Variants in USP34 observed in about 807,000 individuals in gnomAD.
USP34 encodes ubiquitin specific peptidase 34, also known as ubiquitin carboxyl-terminal hydrolase 34.
Under a neutral mutation model 460.3 loss-of-function variants are expected in USP34, and 70 were observed. The observed-to-expected ratio is 0.15, with a 90% CI of 0.13 to 0.19. USP34 has a LOEUF of 0.19. Ranked by LOEUF, USP34 falls within the 10% of genes least tolerant of loss-of-function variation. The pLI is 1.00. For missense variants in USP34, 3,985 were observed against 4,236.2 expected (o/e 0.94, Z 1.65); for synonymous variants, 1,647 against 1,405.3 (o/e 1.17, Z -3.85).
At chr2:61,364,008 GAGA>G (rs1328166142) in intron 10 of USP34, among the ~76,000 whole-genome samples, 8 of 152,156 alleles carry the variant, frequency 5.3e-5, no homozygotes, top group Non-Finnish European at 1.0e-4. Context: ...AAGCCACACA[GAGA>G]AGGACAAATA....
At chr2:61,438,051 A>T (rs1046404320) in intron 1 of USP34, among the ~76,000 whole-genome samples, 1 of 152,042 alleles carries the variant, frequency 6.6e-6, no homozygotes, top group African/African-American at 2.4e-5. Flanking sequence ...AAAACAAACA[A>T]AAAAGAAAAC....
intron 3 of USP34, among the ~76,000 whole-genome samples, chr2:61,396,975 C>G (rs116741972): frequency 0.012 from 1,896 of 152,180 alleles, 15 homozygotes; most frequent in Non-Finnish European, 0.019. Context: ...AAGGTAGAAT[C>G]TTACATACAG....
chr2:61,209,921 G>A (rs935238438), intron 69 of USP34, among the ~76,000 whole-genome samples: 1 of 151,900 alleles, frequency 6.6e-6, no homozygotes, highest in African/African-American at 2.4e-5. Context: ...TTATGTCTTA[G>A]TTTTTAACGA....
At chr2:61,248,335 G>C (rs1688479339) in intron 49 of USP34, among the ~76,000 whole-genome samples, 176 bp downstream of exon 49, 1 of 152,094 alleles carries the variant, frequency 6.6e-6, no homozygotes, top group African/African-American at 2.4e-5. Flanking sequence ...CATAGTCCTA[G>C]TAGATACTAA....
chr2:61,385,909 T>C (rs1693129441), intron 5 of USP34, among the ~76,000 whole-genome samples: 1 of 146,202 alleles, frequency 6.8e-6, no homozygotes, highest in Non-Finnish European at 1.5e-5. Context: ...GACAGGAGAA[T>C]CACTTGAACC....
intron 41 of USP34, among the ~76,000 whole-genome samples, chr2:61,274,926 T>C (rs1201292673): frequency 6.6e-6 from 1 of 152,166 alleles, no homozygotes; most frequent in Non-Finnish European, 1.5e-5. Flanking sequence ...TCACTAGAAA[T>C]AGTTTAAGAC....
intron 15 of USP34, among the ~76,000 whole-genome samples, chr2:61,344,470 A>T (rs1691701942): frequency 3.3e-5 from 5 of 152,210 alleles, no homozygotes; most frequent in African/African-American, 1.2e-4. Context: ...ACAAACCCAA[A>T]TTAAGTATTC....
chr2:61,357,585 T>C (rs1692145081), intron 10 of USP34, among the ~76,000 whole-genome samples: 1 of 151,840 alleles, frequency 6.6e-6, no homozygotes, highest in Admixed American at 6.6e-5. Flanking sequence ...TAGAGATAAA[T>C]AAAATAAAGA....
At chr2:61,227,733 AAAC>A (rs1687770838) in intron 61 of USP34, among the ~76,000 whole-genome samples, 1 of 109,190 alleles carries the variant, frequency 9.2e-6, no homozygotes, top group Non-Finnish European at 1.8e-5. Flanking sequence ...ACAAACAAAC[AAAC>A]AAAAAAAAAA....
chr2:61,300,092 G>A (rs999267833), intron 29 of USP34, among the ~76,000 whole-genome samples: 4 of 152,098 alleles, frequency 2.6e-5, no homozygotes, highest in South Asian at 4.1e-4. Flanking sequence ...TCCTGGACTC[G>A]TATATCAAAT....
intron 10 of USP34, among the ~76,000 whole-genome samples, chr2:61,366,042 C>T (rs1379672641): frequency 6.6e-6 from 1 of 152,186 alleles, no homozygotes; most frequent in Non-Finnish European, 1.5e-5. Flanking sequence ...ACCTCTGCCT[C>T]AGCCTCCTGA....
At chr2:61,465,188 A>T (rs1473714949) in intron 1 of USP34, among the ~76,000 whole-genome samples, 1 of 152,134 alleles carries the variant, frequency 6.6e-6, no homozygotes, top group Non-Finnish European at 1.5e-5. Context: ...GATTATATTT[A>T]AAAAGGGTGG....
intron 10 of USP34, among the ~76,000 whole-genome samples, chr2:61,360,752 G>A (rs747116829): frequency 1.3e-5 from 2 of 152,090 alleles, no homozygotes; most frequent in Admixed American, 1.3e-4. Flanking sequence ...GACGTCCTGG[G>A]CTCAAGCAAT....
At chr2:61,312,194 T>C (rs1006796778) in intron 25 of USP34, among the ~76,000 whole-genome samples, 22 of 135,450 alleles carry the variant, frequency 1.6e-4, no homozygotes, top group African/African-American at 5.8e-4. Context: ...ATAAAGAGAG[T>C]AGAAATATTA....
At chr2:61,437,601 G>A (rs541776300) in intron 1 of USP34, among the ~76,000 whole-genome samples, 40 of 151,776 alleles carry the variant, frequency 2.6e-4, no homozygotes, top group African/African-American at 6.0e-4. Context: ...GTGAAACCCC[G>A]TCTCTAATAA....
At chr2:61,265,883 T>TA in intron 42 of USP34, 101 bp downstream of exon 42, 1 of 1,121,802 alleles carries the variant, frequency 8.9e-7, no homozygotes, top group Non-Finnish European at 1.2e-6. Context: ...TTTATAATGT[T>TA]AAAGTGTGTG....
At chr2:61,467,570 GTATT>G (rs1179344588) in intron 1 of USP34, among the ~76,000 whole-genome samples, 1 of 147,990 alleles carries the variant, frequency 6.8e-6, no homozygotes, top group Non-Finnish European at 1.5e-5. Context: ...ACAGGGTGTC[GTATT>G]TAAAGATGAA....
intron 43 of USP34, among the ~76,000 whole-genome samples, chr2:61,261,042 C>T (rs748890609): frequency 7.2e-5 from 11 of 152,122 alleles, no homozygotes; most frequent in Non-Finnish European, 1.6e-4. Context: ...GCAAGGACGT[C>T]GAGAAATTAA....
intron 33 of USP34, among the ~76,000 whole-genome samples, chr2:61,291,286 A>G (rs1689843019): frequency 2.0e-5 from 3 of 152,164 alleles, no homozygotes; most frequent in African/African-American, 7.2e-5. Flanking sequence ...AAAATAAAAG[A>G]GACACTAACA....
Sources: allele counts gnomAD v4.1 joint callset (sites outside exome capture counted in the v4.1 genomes callset), GRCh38; gene constraint gnomAD v4.1.1; transcripts MANE v1.5; gene names NCBI Gene and HGNC (gene_info 2026-07-23, HGNC 2026-07-21).